Variants in ANO6 observed in about 807,000 individuals in gnomAD.
The protein encoded by ANO6 is anoctamin 6, also known as anoctamin-6.
In ANO6, 106 loss-of-function variants were observed where a neutral mutation model predicts 117.5. The observed-to-expected ratio is 0.90, with a 90% CI of 0.77 to 1.06. The LOEUF is 1.06. Ranked by LOEUF, ANO6 falls within the 50% of genes least tolerant of loss-of-function variation. The pLI is 0.00. For synonymous variants in ANO6, 367 were observed against 385.1 expected, an observed-to-expected ratio of 0.95 and a Z score of 0.55; for missense variants, 955 against 1,121.1, an observed-to-expected ratio of 0.85 and a Z score of 2.12.
chr12:45,265,388 A>G (rs1565653480), intron 1 of ANO6, among the ~76,000 whole-genome samples: 1 of 152,162 alleles, frequency 6.6e-6, no homozygotes, highest in South Asian at 2.1e-4. Flanking sequence ...AGTGACCTAT[A>G]TACCCTGGCT....
chr12:45,297,727 A>G (rs1000669391), intron 1 of ANO6, among the ~76,000 whole-genome samples: 1 of 152,190 alleles, frequency 6.6e-6, no homozygotes, highest in Non-Finnish European at 1.5e-5. Context: ...TTTTTAAAGT[A>G]TGCTCTTTTA....
Position 45,348,136 on chromosome 12 carries a change from A to G in ANO6, c.454A>G (p.Lys152Glu). 1.2e-6 allele frequency: 2 copies of G among 1,614,124 alleles called. No individual in the cohort carries two copies. Among genetic ancestry groups the G allele is most frequent in the Non-Finnish European group, 1.7e-6 (2 of 1,179,994 alleles). ...ATTGCCTCTGAAACCCAATGATCTG[A>G]AAAACCGGTCCTCAGCCTTTGGTAC... ...IKLPLKPNDL[K>E]NRSSAFGTLN... Residue 152 changes from lysine to glutamate, a missense_variant, in exon 5 of 20, where the codon AAA (lysine) becomes GAA (glutamate). Physicochemically the swap from Lys to Glu is moderately conservative, Grantham distance 56 (BLOSUM62 1). Transcript: ENST00000320560.
chr12:45,241,278 T>C (rs1327952021), intron 1 of ANO6, among the ~76,000 whole-genome samples: 1 of 152,230 alleles, frequency 6.6e-6, no homozygotes, highest in African/African-American at 2.4e-5. Flanking sequence ...TAATCTTGTC[T>C]TCTTGCTTTA....
rs141636454 is a variant in ANO6 at position 45,293,281 on chromosome 12, A to C, written c.71-8733A>C. 2.7e-3 allele frequency among the ~76,000 whole-genome samples: 413 copies of C among 152,304 alleles called. 1 individual carries two copies. Among genetic ancestry groups the C allele is most frequent in the African/African-American group, 9.4e-3 (392 of 41,566 alleles). ...CAAGGTATTGTTTCAGGTTCTTGGA[A>C]TATAGAGTTGAATAAGACAATGGCT... is the stretch of plus-strand genomic sequence containing the variant. On this transcript the variant is annotated intron_variant, in intron 1 of 19. Coordinates refer to ENST00000320560, the MANE Select transcript of ANO6 (RefSeq NM_001025356.3).
chr12:45,308,466 C>T (rs996210726), intron 2 of ANO6, among the ~76,000 whole-genome samples: 16 of 151,650 alleles, frequency 1.1e-4, no homozygotes, highest in Admixed American at 2.6e-4. Context: ...AAATGGGATC[C>T]GAAGTGAGGA....
At chr12:45,350,935 G>A (rs1941265033) in intron 7 of ANO6, among the ~76,000 whole-genome samples, 161 bp downstream of exon 7, 4 of 152,080 alleles carry the variant, frequency 2.6e-5, no homozygotes, top group Admixed American at 1.3e-4. Context: ...TAATTATGTG[G>A]GCATGATTAA....
At chr12:45,279,983 T>TC (rs770298985) in intron 1 of ANO6, among the ~76,000 whole-genome samples, 1 of 152,246 alleles carries the variant, frequency 6.6e-6, no homozygotes, top group Non-Finnish European at 1.5e-5. Flanking sequence ...GGATTTTTTT[T>TC]CCTCTGGGCT....
chr12:45,397,052 T>G (rs371615315), intron 12 of ANO6, among the ~76,000 whole-genome samples: 1 of 152,042 alleles, frequency 6.6e-6, no homozygotes, highest in Admixed American at 6.5e-5. Flanking sequence ...TCAGAGTGAA[T>G]AGGCAACCTA....
Position 45,401,701 on chromosome 12 carries a change from TACAC to T in ANO6, c.1387-87_1387-84del, listed in dbSNP as rs940050033. 9 of 1,034,192 alleles carry T rather than the reference TACAC, an allele frequency of 8.7e-6. No homozygotes were observed. The African/African-American group carries it at 1.4e-4, about 16-fold the overall frequency. 64.1% of individuals were successfully genotyped at this position (1,034,192 alleles called of 1,614,324 possible). A position where few individuals can be genotyped will look rare whatever the true frequency, so the allele number is the denominator to read the frequency against. On this transcript the variant is annotated intron_variant, in intron 12 of 19. Transcript: ENST00000320560. ...CACTTATGTGAGATTTACATCACTTTACACACACACCTTGTTAAGTGTGAGTTCA... is the reference window on the plus strand; with the variant it reads ...CACTTATGTGAGATTTACATCACTTTACACACCTTGTTAAGTGTGAGTTCA...
At chr12:45,228,249 ACCT>A (rs1257641179) in intron 1 of ANO6, 3 of 397,010 alleles carry the variant, frequency 7.6e-6, no homozygotes, top group African/African-American at 7.3e-5. Context: ...TCTTACCTCA[ACCT>A]CCTGCGTATC....
chr12:45,365,479 A>T (rs1351056556), intron 8 of ANO6, among the ~76,000 whole-genome samples: 1 of 152,218 alleles, frequency 6.6e-6, no homozygotes, highest in Admixed American at 6.5e-5. Flanking sequence ...CACTTTGGTG[A>T]TAGTGCTGTT....
chr12:45,403,172 C>A lies in ANO6; in HGVS notation c.1713C>A (p.Phe571Leu), dbSNP rs761477437. Residue 571 changes from phenylalanine (F) to leucine (L), a missense_variant, in exon 14 of 20, where the codon TTC (phenylalanine) becomes TTA (leucine). Transcript: ENST00000320560. ...ACTCTTCATGCTTCTACATAGCATTCTTTAAGGGCAAATTTGTAGGCTATC... is the reference window on the plus strand; with the variant it reads ...ACTCTTCATGCTTCTACATAGCATTATTTAAGGGCAAATTTGTAGGCTATC... ...NYYSSCFYIA[F>L]FKGKFVGYPG... 2 of 1,614,000 alleles carry A rather than the reference C, an allele frequency of 1.2e-6. No individual in the cohort carries two copies. Among genetic ancestry groups the A allele is most frequent in the Non-Finnish European group, 1.7e-6 (2 of 1,179,932 alleles).
intron 9 of ANO6, among the ~76,000 whole-genome samples, chr12:45,374,992 C>G (rs1292284364): frequency 6.6e-6 from 1 of 151,462 alleles, no homozygotes; most frequent in Admixed American, 6.6e-5. Flanking sequence ...AGCTGATAAG[C>G]AACTTCAGCA....
chr12:45,270,904 G>C (rs997092294), intron 1 of ANO6, among the ~76,000 whole-genome samples: 2 of 152,102 alleles, frequency 1.3e-5, no homozygotes, highest in Non-Finnish European at 2.9e-5. Context: ...ATTTTTAGTA[G>C]AGACAGGGTT....
intron 1 of ANO6, among the ~76,000 whole-genome samples, chr12:45,244,399 T>A (rs1947791107): frequency 9.4e-6 from 1 of 106,384 alleles, no homozygotes; most frequent in Non-Finnish European, 1.8e-5. Context: ...AGGGCTTCTC[T>A]ATTTGGGGGG....
chr12:45,282,829 C>A (rs1005658389), intron 1 of ANO6, among the ~76,000 whole-genome samples: 1 of 152,180 alleles, frequency 6.6e-6, no homozygotes, highest in Non-Finnish European at 1.5e-5. Context: ...AACTGAGAAT[C>A]ATCTCCATAA....
intron 1 of ANO6, among the ~76,000 whole-genome samples, chr12:45,243,657 C>T (rs890058914): frequency 1.3e-5 from 2 of 151,412 alleles, no homozygotes; most frequent in African/African-American, 4.9e-5. Context: ...TCAAGTGATT[C>T]TCCTGCCTCA....
In ANO6 at chr12:45,431,258, G is replaced by T. The variant is rs1328018696; in HGVS notation, c.*1947G>T. 1 of 985,208 alleles carries T rather than the reference G, an allele frequency of 1.0e-6. No individual in the cohort carries two copies. Among genetic ancestry groups the T allele is most frequent in the Non-Finnish European group, 1.2e-6 (1 of 829,928 alleles). The allele number at this position is 985,208 out of a possible 1,614,324, so 61.0% of individuals were successfully genotyped here. On this transcript the variant is annotated 3_prime_UTR_variant, in exon 20 of 20. Transcript: ENST00000320560. ...CTCTTTCTCATTCGCAGCCAAGACG[G>T]GAGTGCCACTGTTCCTCTCTTCACT...
intron 12 of ANO6, among the ~76,000 whole-genome samples, chr12:45,399,403 C>G (rs1942723101): frequency 6.6e-6 from 1 of 152,050 alleles, no homozygotes; most frequent in African/African-American, 2.4e-5. Context: ...ACCATGTTGG[C>G]CAGGCTTGTC....
Sources: gnomAD v4.1 joint callset for allele counts (sites outside exome capture counted in the v4.1 genomes callset) on GRCh38, gnomAD v4.1.1 for gene constraint, MANE v1.5 for transcripts, NCBI Gene and HGNC (gene_info 2026-07-23, HGNC 2026-07-21) for gene names.